Variants in EMC2 observed in about 807,000 individuals in gnomAD.
EMC2 encodes the protein ER membrane protein complex subunit 2, also known as TPR repeat protein 35.
Under a neutral mutation model 51.6 loss-of-function variants are expected in EMC2, and 37 were observed. The observed-to-expected ratio is 0.72, with a 90% CI of 0.55 to 0.94. EMC2 has a LOEUF of 0.94. Ranked by LOEUF, EMC2 falls within the 40% of genes least tolerant of loss-of-function variation. EMC2 has a pLI of 0.00. For missense variants in EMC2, 359 were observed against 350.9 expected, an observed-to-expected ratio of 1.02 and a Z score of -0.18; for synonymous variants, 131 against 112.4, an observed-to-expected ratio of 1.17 and a Z score of -1.04.
At chr8:108,454,728 T>C (rs557288210) in intron 4 of EMC2, among the ~76,000 whole-genome samples, 1 of 152,228 alleles carries the variant, frequency 6.6e-6, no homozygotes, top group Admixed American at 6.5e-5. Context: ...TTTCCTTTTC[T>C]CTGAAGAGCA....
chr8:108,457,542 G>T (rs1359753266), intron 5 of EMC2, among the ~76,000 whole-genome samples: 1 of 152,126 alleles, frequency 6.6e-6, no homozygotes, highest in Non-Finnish European at 1.5e-5. Context: ...GGAGGAACAA[G>T]TTAAATCTAC....
intron 4 of EMC2, among the ~76,000 whole-genome samples, chr8:108,454,098 T>G (rs1819096504): frequency 6.6e-6 from 1 of 152,118 alleles, no homozygotes; most frequent in Non-Finnish European, 1.5e-5. Context: ...TTCTGTTGTA[T>G]CTTTGTATTT....
chr8:108,459,701 T>TGAGA (rs1554617748), intron 5 of EMC2, among the ~76,000 whole-genome samples: 1 of 23,446 alleles, frequency 4.3e-5, no homozygotes, highest in East Asian at 1.6e-3. Flanking sequence ...AGCCAAGCCA[T>TGAGA]GTGAGAGAGA....
chr8:108,478,917 TATC>T (rs1313750445), intron 9 of EMC2, 86 bp from the exon 10 acceptor site: 8 of 474,090 alleles, frequency 1.7e-5, no homozygotes, highest in South Asian at 6.7e-5. Flanking sequence ...AATTCTTTAT[TATC>T]CCATTGCAAC....
intron 7 of EMC2, among the ~76,000 whole-genome samples, chr8:108,471,391 A>G (rs1332484606): frequency 6.6e-6 from 1 of 151,888 alleles, no homozygotes; most frequent in Non-Finnish European, 1.5e-5. Context: ...AAAACATTTC[A>G]AATCAACAAG....
chr8:108,463,481 G>A (rs1819382754), intron 5 of EMC2, among the ~76,000 whole-genome samples: 1 of 152,084 alleles, frequency 6.6e-6, no homozygotes, highest in African/African-American at 2.4e-5. Context: ...GAGTGGGAGA[G>A]TGCCCAGCAT....
At chr8:108,479,167 G>A in intron 10 of EMC2, 57 bp downstream of exon 10, 1 of 1,035,358 alleles carries the variant, frequency 9.7e-7, no homozygotes, top group Admixed American at 2.4e-5. Context: ...TCTTAGTTTT[G>A]TTACTACAAA....
At position 108,457,321 on chromosome 8, in the gene EMC2, CGTGTGTGTGCGTGTGTGTGT is replaced by C. The variant is rs1240637713; in HGVS notation, c.363+1401_363+1420del. Reference sequence around the variant, plus strand: ...GTGTGGGGGTTTGTGTAGGGATGTGCGTGTGTGTGCGTGTGTGTGTGTGTGTGTGTGTGTGTGTGTGTGTG... The same window carrying C: ...GTGTGGGGGTTTGTGTAGGGATGTGCGTGTGTGTGTGTGTGTGTGTGTGTG... On this transcript the variant is annotated intron_variant, in intron 5 of 10. Coordinates refer to ENST00000220853, the MANE Select transcript of EMC2 (RefSeq NM_014673.5). Among the ~76,000 whole-genome samples the C allele has an allele frequency of 5.8e-3, 636 of 109,990 alleles. 3 individuals carry two copies. The highest frequency in any genetic ancestry group is 0.025 in the Admixed American group (277 of 10,950). 72.2% of individuals were successfully genotyped at this position (109,990 alleles called of 152,430 possible).
chr8:108,482,063 G>A (rs1479377743), intron 10 of EMC2, among the ~76,000 whole-genome samples: 2 of 152,126 alleles, frequency 1.3e-5, no homozygotes, highest in East Asian at 3.8e-4. Flanking sequence ...TAGAATGTAT[G>A]TATATTTAAC....
At position 108,485,523 on chromosome 8, in the gene EMC2, CAT is replaced by C. The variant is rs576504009; in HGVS notation, c.808-981_808-980del. Among the ~76,000 whole-genome samples, 246 of 124,420 alleles carry C rather than the reference CAT, an allele frequency of 2.0e-3. 5 individuals carry two copies. In the South Asian group the frequency reaches 0.045, roughly 23 times the overall value. 81.6% of individuals were successfully genotyped at this position (124,420 alleles called of 152,430 possible). ...ACATAATATATAATTAATATATATACATATATATAATATATATATGTATATAT... is the reference window on the plus strand; with the variant it reads ...ACATAATATATAATTAATATATATACATATATAATATATATATGTATATAT... On this transcript the variant is annotated intron_variant, in intron 10 of 10. Transcript: ENST00000220853.
chr8:108,445,789 C>T (rs969983514), intron 1 of EMC2, among the ~76,000 whole-genome samples: 2 of 152,114 alleles, frequency 1.3e-5, no homozygotes, highest in African/African-American at 2.4e-5. Flanking sequence ...CACATGGGGG[C>T]GGAGCTCAGT....
chr8:108,451,804 C>T (rs1372188710), intron 3 of EMC2, among the ~76,000 whole-genome samples: 2 of 152,084 alleles, frequency 1.3e-5, no homozygotes, highest in Non-Finnish European at 2.9e-5. Flanking sequence ...TAAACAGTAA[C>T]TTTATAATGG....
chr8:108,486,420 T>C, intron 10 of EMC2, 92 bp from the exon 11 acceptor site: 1 of 1,412,322 alleles, frequency 7.1e-7, no homozygotes, highest in Non-Finnish European at 9.3e-7. Flanking sequence ...AAATAGTCAA[T>C]GTTAAGTTTC....
Position 108,449,936 on chromosome 8 carries a change from AG to A in EMC2, c.154+1del. On this transcript the variant is annotated splice_donor_variant, in intron 2 of 10. Coordinates refer to ENST00000220853, the MANE Select transcript of EMC2 (RefSeq NM_014673.5). LOFTEE classifies it high-confidence loss of function. ...ATATGCTTCTAAGCTGGGAGATGAT[AG>A]TAAGTTCTTTTATTACATTCAGGCT... 1 of 1,437,272 alleles carries A rather than the reference AG, an allele frequency of 7.0e-7. No individual in the cohort carries two copies. Among genetic ancestry groups the A allele is most frequent in the African/African-American group, 1.4e-5 (1 of 70,720 alleles). The allele number at this position is 1,437,272 out of a possible 1,614,324, so 89.0% of individuals were successfully genotyped here. A position where few individuals can be genotyped will look rare whatever the true frequency, so the allele number is the denominator to read the frequency against.
chr8:108,466,542 T>C (rs1004337014), intron 5 of EMC2, among the ~76,000 whole-genome samples: 6 of 145,670 alleles, frequency 4.1e-5, no homozygotes, highest in African/African-American at 1.5e-4. Flanking sequence ...AACCTCTGAC[T>C]CCTGGGCTCA....
chr8:108,473,080 T>A (rs933217895), intron 7 of EMC2, among the ~76,000 whole-genome samples: 1 of 151,998 alleles, frequency 6.6e-6, no homozygotes, highest in African/African-American at 2.4e-5. Context: ...AATGTTTCTA[T>A]AGAGAGAAAA....
intron 10 of EMC2, among the ~76,000 whole-genome samples, chr8:108,484,937 C>A (rs1334726973): frequency 6.6e-6 from 1 of 151,958 alleles, no homozygotes; most frequent in East Asian, 1.9e-4. Context: ...ATTCGTGATG[C>A]CTTTTGAAAG....
intron 5 of EMC2, among the ~76,000 whole-genome samples, chr8:108,460,881 C>A (rs1819303024): frequency 6.6e-6 from 1 of 152,020 alleles, no homozygotes; most frequent in Admixed American, 6.6e-5. Flanking sequence ...TTTTTCAGTC[C>A]CTTCTTTCCT....
chr8:108,477,105 T>C (rs1394173158), intron 9 of EMC2, among the ~76,000 whole-genome samples: 1 of 151,966 alleles, frequency 6.6e-6, no homozygotes, highest in African/African-American at 2.4e-5. Context: ...TTGTAAACTA[T>C]CTTTTATATC....
Sources: allele counts gnomAD v4.1 joint callset (sites outside exome capture counted in the v4.1 genomes callset), GRCh38; gene constraint gnomAD v4.1.1; transcripts MANE v1.5; gene names NCBI Gene and HGNC (gene_info 2026-07-23, HGNC 2026-07-21).